The following TNR variants were observed in gnomAD, a reference collection of about 807,000 sequenced individuals.
TNR encodes the protein tenascin R, also known as tenascin-R.
A neutral mutation model predicts 150.4 loss-of-function variants in TNR; 45 were observed. That is an observed-to-expected ratio of 0.30 (90% CI 0.24 to 0.38). TNR has a LOEUF of 0.38. Among genes scored for constraint, TNR ranks in the 10% least tolerant of loss-of-function variants. TNR has a pLI of 1.00. For missense variants in TNR, 1,544 were observed against 1,759.1 expected, an observed-to-expected ratio of 0.88 and a Z score of 2.19; for synonymous variants, 687 against 678.4, an observed-to-expected ratio of 1.01 and a Z score of -0.20.
intron 1 of TNR, among the ~76,000 whole-genome samples, chr1:175,597,485 CTGAATGCA>C (rs1663054793): frequency 1.3e-5 from 2 of 152,210 alleles, no homozygotes; most frequent in Non-Finnish European, 2.9e-5. Flanking sequence ...GTGAATATTG[CTGAATGCA>C]TGAATGCTAG....
At chr1:175,623,629 C>T (rs1664049795) in intron 1 of TNR, among the ~76,000 whole-genome samples, 2 of 152,234 alleles carry the variant, frequency 1.3e-5, no homozygotes, top group Non-Finnish European at 2.9e-5. Flanking sequence ...GTTTCCTTTC[C>T]ATGGAACACC....
intron 2 of TNR, among the ~76,000 whole-genome samples, chr1:175,411,789 G>T (rs1654228100): frequency 6.6e-6 from 1 of 151,874 alleles, no homozygotes; most frequent in Non-Finnish European, 1.5e-5. Context: ...TCCAAATAAG[G>T]TTACATTCTG....
intron 1 of TNR, among the ~76,000 whole-genome samples, chr1:175,713,894 T>C (rs1005333811): frequency 6.6e-6 from 1 of 152,238 alleles, no homozygotes; most frequent in Non-Finnish European, 1.5e-5. Flanking sequence ...AAGAGTTAAA[T>C]GCACCAAAAT....
chr1:175,680,099 G>A (rs1264089259), intron 1 of TNR, among the ~76,000 whole-genome samples: 1 of 152,210 alleles, frequency 6.6e-6, no homozygotes, highest in Non-Finnish European at 1.5e-5. Flanking sequence ...TGCTCCATCT[G>A]TATGCAGGGC....
chr1:175,467,833 T>C lies in TNR; in HGVS notation c.-64+60436A>G, dbSNP rs112904563. ...AGCATTTATTGAATTTTGAACTCCA[T>C]TGGGCAAAGAAATTACTCGTTAATA... On this transcript the variant is annotated intron_variant, in intron 2 of 22. Transcript: ENST00000367674. 8.4e-3 allele frequency among the ~76,000 whole-genome samples: 1,278 copies of C among 152,270 alleles called. 17 individuals are homozygous for C. The highest frequency in any genetic ancestry group is 0.028 in the African/African-American group (1,157 of 41,558).
chr1:175,557,511 A>G (rs1648815279), intron 1 of TNR, among the ~76,000 whole-genome samples: 2 of 152,218 alleles, frequency 1.3e-5, no homozygotes, highest in Non-Finnish European at 2.9e-5. Context: ...CACCTTGGAC[A>G]GTTCACATCC....
At chr1:175,597,468 G>C (rs1379407309) in intron 1 of TNR, among the ~76,000 whole-genome samples, 2 of 152,242 alleles carry the variant, frequency 1.3e-5, no homozygotes, top group African/African-American at 2.4e-5. Flanking sequence ...GATAGAGGGA[G>C]CATTCAGTGA....
At chr1:175,726,795 T>G (rs1007928027) in intron 1 of TNR, among the ~76,000 whole-genome samples, 2 of 152,248 alleles carry the variant, frequency 1.3e-5, no homozygotes, top group African/African-American at 4.8e-5. Context: ...TTCAAAAAAT[T>G]TATTTGATAG....
intron 18 of TNR, among the ~76,000 whole-genome samples, chr1:175,352,970 G>C (rs753644202): frequency 1.3e-5 from 2 of 152,124 alleles, no homozygotes; most frequent in Non-Finnish European, 2.9e-5. Flanking sequence ...TCTGAGGCAT[G>C]GACGGGAATC....
chr1:175,655,788 T>C (rs1665153671), intron 1 of TNR, among the ~76,000 whole-genome samples: 1 of 152,182 alleles, frequency 6.6e-6, no homozygotes, highest in Non-Finnish European at 1.5e-5. Flanking sequence ...TGTCCTGCCC[T>C]GTGAGGGAGA....
chr1:175,435,435 C>G (rs1371866621), intron 2 of TNR, among the ~76,000 whole-genome samples: 1 of 152,116 alleles, frequency 6.6e-6, no homozygotes, highest in Non-Finnish European at 1.5e-5. Context: ...CACGGAGGAT[C>G]AGGTTTAGAA....
intron 1 of TNR, among the ~76,000 whole-genome samples, chr1:175,618,883 C>A (rs535536868): frequency 1.3e-5 from 2 of 150,094 alleles, no homozygotes; most frequent in African/African-American, 4.9e-5. Context: ...ACCTGGCACA[C>A]AGGTTGTGAT....
At chr1:175,351,361 A>G (rs1158647289) in intron 18 of TNR, among the ~76,000 whole-genome samples, 1 of 152,220 alleles carries the variant, frequency 6.6e-6, no homozygotes, top group Non-Finnish European at 1.5e-5. Flanking sequence ...GCAAATGACT[A>G]TGTAGCCTAG....
intron 1 of TNR, among the ~76,000 whole-genome samples, chr1:175,678,958 G>T (rs1351503336): frequency 1.3e-5 from 2 of 152,192 alleles, no homozygotes; most frequent in African/African-American, 2.4e-5. Flanking sequence ...AGAGCAATTG[G>T]GTTCTGCCCT....
intron 1 of TNR, among the ~76,000 whole-genome samples, chr1:175,694,684 C>A (rs1281642244): frequency 6.6e-6 from 1 of 152,128 alleles, no homozygotes; most frequent in Non-Finnish European, 1.5e-5. Flanking sequence ...TTTAATGAGA[C>A]AATTAAGTTA....
chr1:175,611,782 G>C (rs1269836975), intron 1 of TNR, among the ~76,000 whole-genome samples: 1 of 152,098 alleles, frequency 6.6e-6, no homozygotes, highest in Non-Finnish European at 1.5e-5. Flanking sequence ...ACTCACAGAC[G>C]CATAGTCTCT....
At chr1:175,566,819 G>A (rs549263570) in intron 1 of TNR, among the ~76,000 whole-genome samples, 13 of 152,190 alleles carry the variant, frequency 8.5e-5, no homozygotes, top group East Asian at 1.9e-4. Context: ...ATAAGTCTAC[G>A]TTTTTTTGTC....
At chr1:175,514,053 C>T (rs1305853261) in intron 2 of TNR, among the ~76,000 whole-genome samples, 1 of 152,144 alleles carries the variant, frequency 6.6e-6, no homozygotes. Context: ...ATAATGACGC[C>T]TCAAAGACAT....
intron 1 of TNR, among the ~76,000 whole-genome samples, chr1:175,634,568 G>T (rs1049582294): frequency 5.9e-5 from 9 of 152,224 alleles, no homozygotes; most frequent in Non-Finnish European, 8.8e-5. Context: ...GAGTGAAAAT[G>T]TGGGCGTTGT....
Sources: gnomAD v4.1 joint callset for allele counts (sites outside exome capture counted in the v4.1 genomes callset) on GRCh38, gnomAD v4.1.1 for gene constraint, MANE v1.5 for transcripts, NCBI Gene and HGNC (gene_info 2026-07-23, HGNC 2026-07-21) for gene names.